The following LRP1B variants were observed in gnomAD, a reference collection of about 807,000 sequenced individuals.
LRP1B encodes LDL receptor related protein 1B.
Under a neutral mutation model 556.6 loss-of-function variants are expected in LRP1B, and 217 were observed. That is an observed-to-expected ratio of 0.39 (90% confidence interval 0.35 to 0.44). LRP1B has a LOEUF of 0.44. Among genes scored for constraint, LRP1B ranks in the 20% least tolerant of loss-of-function variants. The probability of loss-of-function intolerance (pLI) is 1.00; values close to 1 mark genes in which losing one functional copy is unlikely to be tolerated. For synonymous variants in LRP1B, 2,047 were observed against 1,865.8 expected, an observed-to-expected ratio of 1.10 and a Z score of -2.50; for missense variants, 5,053 against 5,620.8, an observed-to-expected ratio of 0.90 and a Z score of 3.23.
At chr2:140,456,067 C>G (rs551418696) in intron 62 of LRP1B, among the ~76,000 whole-genome samples, 1 of 152,204 alleles carries the variant, frequency 6.6e-6, no homozygotes, top group Non-Finnish European at 1.5e-5. Flanking sequence ...GAGACTTACT[C>G]TCTATTGAAT....
chr2:140,503,520 T>G (rs1689283643), intron 53 of LRP1B, among the ~76,000 whole-genome samples: 1 of 152,090 alleles, frequency 6.6e-6, no homozygotes, highest in South Asian at 2.1e-4. Flanking sequence ...AGCTCTGATA[T>G]CATGTTTATG....
chr2:142,098,335 A>C (rs1389914923), intron 1 of LRP1B, among the ~76,000 whole-genome samples: 3 of 151,810 alleles, frequency 2.0e-5, no homozygotes, highest in Non-Finnish European at 4.4e-5. Context: ...TTCATTTATA[A>C]ATATTCAAAA....
At chr2:140,271,342 A>C (rs1395104813) in intron 85 of LRP1B, among the ~76,000 whole-genome samples, 1 of 151,940 alleles carries the variant, frequency 6.6e-6, no homozygotes, top group Non-Finnish European at 1.5e-5. Flanking sequence ...ATCACAGTGC[A>C]TCTGGACATA....
chr2:141,780,337 A>G (rs1042669810), intron 2 of LRP1B, among the ~76,000 whole-genome samples: 2 of 152,102 alleles, frequency 1.3e-5, no homozygotes, highest in Non-Finnish European at 2.9e-5. Flanking sequence ...AATTTTGTGT[A>G]GAAATAAAAT....
intron 1 of LRP1B, among the ~76,000 whole-genome samples, chr2:141,969,611 C>G (rs1011310793): frequency 6.6e-6 from 1 of 151,600 alleles, no homozygotes; most frequent in Admixed American, 6.6e-5. Context: ...GAATAGTATT[C>G]CACTGTGTTT....
rs534874549 is a variant in LRP1B, at chr2:141,670,877, T to C, written c.205+139402A>G. The stretch of plus-strand genomic sequence containing the variant: ...GCTTAAAACTCTGTCTGAGAACATC[T>C]GGAGTGGTACAATTTCATATTTCTT... On this transcript the variant is annotated intron_variant, in intron 2 of 90. Coordinates refer to ENST00000389484, the MANE Select transcript of LRP1B (RefSeq NM_018557.3). Among the ~76,000 whole-genome samples, 4 of 152,318 alleles carry C rather than the reference T, an allele frequency of 2.6e-5. No individual in the cohort carries two copies. In the East Asian group the frequency reaches 7.7e-4, roughly 29 times the overall value.
At chr2:140,340,579 T>A (rs935196600) in intron 77 of LRP1B, among the ~76,000 whole-genome samples, 6 of 151,446 alleles carry the variant, frequency 4.0e-5, no homozygotes, top group Non-Finnish European at 8.9e-5. Flanking sequence ...AATTTAAACA[T>A]GCATAACATT....
chr2:141,858,915 A>G (rs1698151274), intron 1 of LRP1B, among the ~76,000 whole-genome samples: 1 of 152,134 alleles, frequency 6.6e-6, no homozygotes, highest in African/African-American at 2.4e-5. Context: ...AGACGAAACA[A>G]CCAGACTGTG....
At chr2:142,061,071 G>A (rs977252026) in intron 1 of LRP1B, among the ~76,000 whole-genome samples, 2 of 151,856 alleles carry the variant, frequency 1.3e-5, no homozygotes, top group South Asian at 4.2e-4. Flanking sequence ...AAACAGATAT[G>A]GAAAGAAATT....
intron 41 of LRP1B, among the ~76,000 whole-genome samples, chr2:140,676,283 A>G (rs1193131787): frequency 6.6e-6 from 1 of 152,170 alleles, no homozygotes; most frequent in Non-Finnish European, 1.5e-5. Flanking sequence ...AATAAATAAG[A>G]TAACAGTGCA....
rs1264115827 is a variant in LRP1B, at chr2:140,501,568, T to C, written c.8850+119A>G. The C allele has an allele frequency of 1.7e-5, 10 of 597,680 alleles. No individual in the cohort carries two copies. The African/African-American group carries it at 1.9e-4, about 11-fold the overall frequency. The allele number at this position is 597,680 out of a possible 1,614,324, so 37.0% of individuals were successfully genotyped here. A position where few individuals can be genotyped will look rare whatever the true frequency, so the allele number is the denominator to read the frequency against. On this transcript the variant is annotated intron_variant, in intron 55 of 90. Coordinates refer to ENST00000389484, the MANE Select transcript of LRP1B (RefSeq NM_018557.3). ...GGTATCTTCATATCGACACTCTCCATTCAATTCGTTTTAATATTATGATGG... is the reference window on the plus strand; with the variant it reads ...GGTATCTTCATATCGACACTCTCCACTCAATTCGTTTTAATATTATGATGG...
chr2:140,406,098 C>T (rs1684723207), intron 66 of LRP1B, among the ~76,000 whole-genome samples: 1 of 152,048 alleles, frequency 6.6e-6, no homozygotes, highest in Non-Finnish European at 1.5e-5. Flanking sequence ...ACCATATAAT[C>T]ATCTTAACTG....
intron 29 of LRP1B, among the ~76,000 whole-genome samples, chr2:140,847,725 C>A (rs1692316167): frequency 6.6e-6 from 1 of 150,908 alleles, no homozygotes; most frequent in Non-Finnish European, 1.5e-5. Context: ...CAAGATAGCA[C>A]CACTGCACTC....
At chr2:140,296,227 A>G (rs1347324642) in intron 84 of LRP1B, among the ~76,000 whole-genome samples, 1 of 152,180 alleles carries the variant, frequency 6.6e-6, no homozygotes, top group African/African-American at 2.4e-5. Flanking sequence ...AAATACACAT[A>G]AAATTACCTT....
In LRP1B at chr2:141,125,844, C is replaced by CAAAAAAAAA. The variant is rs386391362; in HGVS notation, c.1013+62568_1013+62576dup. ...TCTTGTCTGTAACTCCTTTCAAATGCAAAAAAAAAAAAAAAAACAAAAAAC... is the reference window on the plus strand; with the variant it reads ...TCTTGTCTGTAACTCCTTTCAAATGCAAAAAAAAAAAAAAAAAAAAAAAAAACAAAAAAC... On this transcript the variant is annotated intron_variant, in intron 7 of 90. Coordinates refer to ENST00000389484, the MANE Select transcript of LRP1B (RefSeq NM_018557.3). Among the ~76,000 whole-genome samples the CAAAAAAAAA allele has an allele frequency of 1.2e-3, 125 of 101,572 alleles. 2 individuals carry two copies. Among genetic ancestry groups the CAAAAAAAAA allele is most frequent in the Non-Finnish European group, 1.6e-3 (86 of 54,042 alleles). The allele number at this position is 101,572 out of a possible 152,430, so 66.6% of individuals were successfully genotyped here.
At chr2:141,482,845 C>T (rs1313067249) in intron 2 of LRP1B, among the ~76,000 whole-genome samples, 4 of 152,042 alleles carry the variant, frequency 2.6e-5, no homozygotes, top group Non-Finnish European at 1.5e-5. Context: ...AAGTTACCCT[C>T]AGAGAAAACA....
intron 2 of LRP1B, among the ~76,000 whole-genome samples, chr2:141,771,078 T>C (rs942132581): frequency 3.3e-5 from 5 of 152,184 alleles, no homozygotes; most frequent in East Asian, 3.9e-4. Context: ...CAAAAGACCA[T>C]ATATAGTCTT....
intron 35 of LRP1B, among the ~76,000 whole-genome samples, chr2:140,760,729 T>C (rs571321036): frequency 1.3e-5 from 2 of 151,988 alleles, no homozygotes; most frequent in East Asian, 1.9e-4. Context: ...CTATTAAAAA[T>C]ACAAAAAATT....
At chr2:140,882,398 C>A (rs946085676) in intron 25 of LRP1B, among the ~76,000 whole-genome samples, 1 of 152,048 alleles carries the variant, frequency 6.6e-6, no homozygotes. Context: ...ATAGGTAAAA[C>A]GTAGACTACA....
Sources: gnomAD v4.1 joint callset for allele counts (sites outside exome capture counted in the v4.1 genomes callset) on GRCh38, gnomAD v4.1.1 for gene constraint, MANE v1.5 for transcripts, NCBI Gene and HGNC (gene_info 2026-07-23, HGNC 2026-07-21) for gene names.